MAP7: variants seen among roughly 807,000 people sequenced by gnomAD.
MAP7 encodes the protein ensconsin.
Under a neutral mutation model 94.8 loss-of-function variants are expected in MAP7, and 52 were observed. The observed-to-expected ratio is 0.55, with a 90% CI of 0.44 to 0.69. The LOEUF is 0.69. MAP7 is among the 30% of genes least tolerant of loss of function. MAP7 has a pLI of 0.00. For missense variants in MAP7, 940 were observed against 964.6 expected (o/e 0.97, Z 0.34); for synonymous variants, 350 against 357.0 (o/e 0.98, Z 0.22).
chr6:136,524,734 G>A (rs369175132), intron 1 of MAP7, among the ~76,000 whole-genome samples: 4 of 152,132 alleles, frequency 2.6e-5, no homozygotes, highest in Admixed American at 6.5e-5. Flanking sequence ...AGATTAATTC[G>A]AGAAACAGGA....
At chr6:136,347,465 G>A (rs1416454744) in intron 16 of MAP7, among the ~76,000 whole-genome samples, 1 of 152,132 alleles carries the variant, frequency 6.6e-6, no homozygotes, top group African/African-American at 2.4e-5. Flanking sequence ...GAGTGCAGTG[G>A]TACAGTCTCA....
intron 9 of MAP7, 67 bp from the exon 10 acceptor site, chr6:136,366,085 C>G: frequency 6.7e-7 from 1 of 1,494,752 alleles, no homozygotes; most frequent in Non-Finnish European, 9.0e-7. Context: ...GAACCTAGAA[C>G]ACGACTCGAT....
At chr6:136,540,890 A>G (rs913134281) in intron 1 of MAP7, among the ~76,000 whole-genome samples, 1 of 152,208 alleles carries the variant, frequency 6.6e-6, no homozygotes, top group African/African-American at 2.4e-5. Context: ...ATTTTTAATC[A>G]CTGCCAAGAT....
chr6:136,517,928 C>T (rs1436474675), intron 1 of MAP7, among the ~76,000 whole-genome samples: 1 of 152,156 alleles, frequency 6.6e-6, no homozygotes, highest in Non-Finnish European at 1.5e-5. Context: ...CTTAAAGTTG[C>T]ATTTTTACTT....
intron 1 of MAP7, among the ~76,000 whole-genome samples, chr6:136,549,605 C>A (rs761819500): frequency 1.3e-5 from 2 of 152,200 alleles, no homozygotes; most frequent in Non-Finnish European, 2.9e-5. Context: ...ACACAGAGGC[C>A]TGACCACCAA....
intron 6 of MAP7, among the ~76,000 whole-genome samples, chr6:136,380,044 G>T (rs1015586842): frequency 9.2e-5 from 14 of 152,204 alleles, no homozygotes; most frequent in South Asian, 6.2e-4. Flanking sequence ...TCCCCTAGAG[G>T]GGCCTGATTT....
chr6:136,467,953 G>C (rs1231918716), intron 1 of MAP7, among the ~76,000 whole-genome samples: 1 of 152,142 alleles, frequency 6.6e-6, no homozygotes, highest in Admixed American at 6.5e-5. Flanking sequence ...TCTAAGACGC[G>C]TGAGGGTCAA....
intron 1 of MAP7, chr6:136,475,794 T>A (rs541338407): frequency 6.6e-6 from 1 of 152,154 alleles, no homozygotes; most frequent in African/African-American, 2.4e-5. Flanking sequence ...ATCTTCCCAA[T>A]GGAGAAGAGA....
chr6:136,421,892 G>C, intron 1 of MAP7, 93 bp from the exon 2 acceptor site: 2 of 927,500 alleles, frequency 2.2e-6, no homozygotes, highest in Non-Finnish European at 3.3e-6. Flanking sequence ...GTTAACCTAT[G>C]TACCAGGTTC....
chr6:136,420,645 G>C (rs1328492769), intron 2 of MAP7, among the ~76,000 whole-genome samples: 1 of 152,130 alleles, frequency 6.6e-6, no homozygotes, highest in East Asian at 1.9e-4. Context: ...TCAATGAAAA[G>C]GCAGGTTGAC....
At chr6:136,438,408 T>C (rs1796946410) in intron 1 of MAP7, among the ~76,000 whole-genome samples, 1 of 152,208 alleles carries the variant, frequency 6.6e-6, no homozygotes, top group Non-Finnish European at 1.5e-5. Flanking sequence ...TTTTCATTCA[T>C]CATGCTCATT....
At chr6:136,528,082 G>A (rs1382262678) in intron 1 of MAP7, among the ~76,000 whole-genome samples, 9 of 152,298 alleles carry the variant, frequency 5.9e-5, no homozygotes, top group Admixed American at 4.6e-4. Context: ...TGAATCTCAC[G>A]AAGTGAAATT....
At chr6:136,404,112 T>C (rs2128719140) in intron 3 of MAP7, among the ~76,000 whole-genome samples, 1 of 152,306 alleles carries the variant, frequency 6.6e-6, no homozygotes, top group African/African-American at 2.4e-5. Context: ...CCAACAGCCA[T>C]CTGAATCAAA....
chr6:136,362,184 G>A (rs568737397), intron 11 of MAP7, among the ~76,000 whole-genome samples: 3 of 152,186 alleles, frequency 2.0e-5, no homozygotes, highest in Non-Finnish European at 4.4e-5. Context: ...ACTTTGGGAG[G>A]TTCAGGTGGG....
chr6:136,475,195 A>C (rs890614960), intron 1 of MAP7, among the ~76,000 whole-genome samples: 3 of 152,228 alleles, frequency 2.0e-5, no homozygotes, highest in South Asian at 4.1e-4. Flanking sequence ...AAAAGTAGGA[A>C]TAGCTTTAGG....
At chr6:136,440,074 T>C (rs1253938928) in intron 1 of MAP7, among the ~76,000 whole-genome samples, 2 of 152,218 alleles carry the variant, frequency 1.3e-5, no homozygotes, top group Non-Finnish European at 2.9e-5. Context: ...CAAAGCACCA[T>C]AGCTGTGCTG....
chr6:136,498,375 C>A (rs1818896363), intron 1 of MAP7, among the ~76,000 whole-genome samples: 1 of 151,982 alleles, frequency 6.6e-6, no homozygotes, highest in Admixed American at 6.6e-5. Flanking sequence ...ACTGGGAACA[C>A]CAGGACCTGC....
chr6:136,539,160 A>G (rs1829116627), intron 1 of MAP7, among the ~76,000 whole-genome samples: 1 of 152,168 alleles, frequency 6.6e-6, no homozygotes, highest in Admixed American at 6.5e-5. Flanking sequence ...AACCATAACA[A>G]ACACTTGGTG....
intron 1 of MAP7, among the ~76,000 whole-genome samples, chr6:136,480,135 T>A (rs1052360579): frequency 2.0e-5 from 3 of 152,072 alleles, no homozygotes; most frequent in African/African-American, 7.2e-5. Context: ...GGTACTGGCA[T>A]AAAAACAGAC....
Sources: allele counts gnomAD v4.1 joint callset (sites outside exome capture counted in the v4.1 genomes callset), GRCh38; gene constraint gnomAD v4.1.1; transcripts MANE v1.5; gene names NCBI Gene and HGNC (gene_info 2026-07-23, HGNC 2026-07-21).